Variants in PRKN observed in about 807,000 individuals in gnomAD.
The protein encoded by PRKN is parkin RBR E3 ubiquitin protein ligase.
Under a neutral mutation model 59.5 loss-of-function variants are expected in PRKN, and 56 were observed. The observed-to-expected ratio is 0.94, with a 90% CI of 0.76 to 1.18. The LOEUF is 1.18. PRKN is among the 50% of genes most tolerant of loss of function. The pLI, the probability that PRKN is intolerant of heterozygous loss-of-function variation, is 0.00. For synonymous variants in PRKN, 250 were observed against 222.1 expected (o/e 1.13, Z -1.12); for missense variants, 657 against 596.4 (o/e 1.10, Z -1.06).
chr6:161,840,564 C>T (rs765702466), intron 6 of PRKN, among the ~76,000 whole-genome samples: 8 of 152,112 alleles, frequency 5.3e-5, no homozygotes, highest in East Asian at 1.9e-4. Flanking sequence ...AAGCCTAGTA[C>T]GTGTCAGTTA....
intron 7 of PRKN, among the ~76,000 whole-genome samples, chr6:161,607,801 G>A (rs969326600): frequency 6.6e-6 from 1 of 152,208 alleles, no homozygotes; most frequent in Non-Finnish European, 1.5e-5. Flanking sequence ...GCTTCAAGGA[G>A]CCACTGTATA....
At chr6:162,202,195 A>G (rs974770851) in intron 3 of PRKN, among the ~76,000 whole-genome samples, 96 of 152,256 alleles carry the variant, frequency 6.3e-4, no homozygotes, top group African/African-American at 2.3e-3. Context: ...GCACCTAGAG[A>G]TAATATATTT....
chr6:161,375,827 C>T (rs1240913671), intron 10 of PRKN, among the ~76,000 whole-genome samples: 1 of 152,204 alleles, frequency 6.6e-6, no homozygotes, highest in Non-Finnish European at 1.5e-5. Flanking sequence ...CCGAACGACG[C>T]GCTGGCTTTA....
chr6:162,480,683 T>C (rs954081875), intron 1 of PRKN, among the ~76,000 whole-genome samples: 14 of 152,064 alleles, frequency 9.2e-5, no homozygotes, highest in Middle Eastern at 3.2e-3. Context: ...AGGGCTTCCC[T>C]GACTCTAGCA....
At chr6:162,591,498 G>A (rs1390003642) in intron 1 of PRKN, among the ~76,000 whole-genome samples, 1 of 152,062 alleles carries the variant, frequency 6.6e-6, no homozygotes, top group East Asian at 1.9e-4. Context: ...ATTCTTAAAC[G>A]ATGCAATTGT....
At chr6:161,433,160 T>C (rs1788727968) in intron 9 of PRKN, among the ~76,000 whole-genome samples, 1 of 152,224 alleles carries the variant, frequency 6.6e-6, no homozygotes, top group Non-Finnish European at 1.5e-5. Context: ...CTAAAAGACT[T>C]CTTCCATTGC....
chr6:162,687,788 G>A (rs901255114), intron 1 of PRKN, among the ~76,000 whole-genome samples: 8 of 152,130 alleles, frequency 5.3e-5, no homozygotes, highest in African/African-American at 1.9e-4. Context: ...CCATGAGGAT[G>A]GCTTAACAAG....
intron 6 of PRKN, among the ~76,000 whole-genome samples, chr6:161,804,009 G>A (rs1791204233): frequency 6.6e-6 from 1 of 152,210 alleles, no homozygotes; most frequent in African/African-American, 2.4e-5. Flanking sequence ...GACACATGGG[G>A]GGTGGCACAG....
Position 161,530,737 on chromosome 6 carries a change from C to T in PRKN, c.1083+18117G>A, listed in dbSNP as rs181469579. Among the ~76,000 whole-genome samples, 3 of 151,866 alleles carry T rather than the reference C, an allele frequency of 2.0e-5. No homozygotes were observed. Among genetic ancestry groups the T allele is most frequent in the Non-Finnish European group, 2.9e-5 (2 of 67,964 alleles). ...TTCTCTATGTTGGTCAGGCCAGTCTCGAACTCCTGACCTCAGGTGATCCGC... is the reference window on the plus strand; with the variant it reads ...TTCTCTATGTTGGTCAGGCCAGTCTTGAACTCCTGACCTCAGGTGATCCGC... On this transcript the variant is annotated intron_variant, in intron 9 of 11. Coordinates refer to ENST00000366898, the MANE Select transcript of PRKN (RefSeq NM_004562.3). The surrounding 1 kb of genome is among the most constrained non-coding windows in gnomAD (Gnocchi z 5.0).
At chr6:162,254,274 T>A (rs1478382782) in intron 3 of PRKN, among the ~76,000 whole-genome samples, 2 of 151,950 alleles carry the variant, frequency 1.3e-5, no homozygotes, top group East Asian at 3.9e-4. Flanking sequence ...CTGGCTAACA[T>A]GGTAAAACCC....
intron 1 of PRKN, among the ~76,000 whole-genome samples, chr6:162,709,375 CT>C (rs34492695): frequency 0.1 from 15,065 of 147,656 alleles, 906 homozygotes; most frequent in Middle Eastern, 0.2. Context: ...GGTCTGAACA[CT>C]TTTTTTTTTT....
rs900168552 is a variant in PRKN, at chr6:161,503,280, T to C, written c.1083+45574A>G. 9.2e-5 allele frequency among the ~76,000 whole-genome samples: 14 copies of C among 152,088 alleles called. No individual in the cohort carries two copies. Among genetic ancestry groups the C allele is most frequent in the Admixed American group, 7.9e-4 (12 of 15,260 alleles). ...TAGAGTCTTGATGAATTTATGGCTG[T>C]CATTCTGAAGATTTTAATCTTGTCT... On this transcript the variant is annotated intron_variant, in intron 9 of 11. Coordinates refer to ENST00000366898, the MANE Select transcript of PRKN (RefSeq NM_004562.3). The surrounding 1 kb of genome is among the most constrained non-coding windows in gnomAD (Gnocchi z 5.1).
intron 7 of PRKN, among the ~76,000 whole-genome samples, chr6:161,737,087 A>G (rs1384707741): frequency 6.6e-6 from 1 of 152,202 alleles, no homozygotes; most frequent in African/African-American, 2.4e-5. Context: ...GCATGGTGCA[A>G]TCAGGCAATG....
intron 6 of PRKN, among the ~76,000 whole-genome samples, chr6:161,840,183 C>T (rs1280869207): frequency 1.3e-5 from 2 of 152,176 alleles, no homozygotes; most frequent in African/African-American, 4.8e-5. Context: ...CCCGTAGGCT[C>T]GTGGGCAGGG....
intron 6 of PRKN, among the ~76,000 whole-genome samples, chr6:161,959,838 A>G (rs1252897036): frequency 2.0e-5 from 3 of 152,144 alleles, no homozygotes; most frequent in African/African-American, 7.2e-5. Flanking sequence ...TCCTACCACC[A>G]CCTCAGGAAT....
chr6:162,122,148 A>G (rs774623496), intron 4 of PRKN, among the ~76,000 whole-genome samples: 1 of 152,186 alleles, frequency 6.6e-6, no homozygotes, highest in Admixed American at 6.5e-5. Context: ...ACAAGACGAC[A>G]TGCCCTGTGA....
chr6:162,373,288 C>T (rs1450090292), intron 2 of PRKN, among the ~76,000 whole-genome samples: 1 of 152,098 alleles, frequency 6.6e-6, no homozygotes, highest in Non-Finnish European at 1.5e-5. Context: ...GTGAGTTTGG[C>T]AATTTTAAGT....
chr6:162,696,705 A>G (rs1777983955), intron 1 of PRKN, among the ~76,000 whole-genome samples: 1 of 150,972 alleles, frequency 6.6e-6, no homozygotes, highest in Non-Finnish European at 1.5e-5. Flanking sequence ...CACCATGCCC[A>G]GCTAATTTTT....
intron 1 of PRKN, among the ~76,000 whole-genome samples, chr6:162,641,068 C>T (rs891891512): frequency 6.6e-6 from 1 of 152,034 alleles, no homozygotes; most frequent in East Asian, 1.9e-4. Context: ...CTGACAATTT[C>T]CAGGGTCTTC....
Sources: gnomAD v4.1 joint callset for allele counts (sites outside exome capture counted in the v4.1 genomes callset) on GRCh38, gnomAD v4.1.1 for gene constraint, Gnocchi (gnomAD v3.1) non-coding constraint, MANE v1.5 for transcripts, NCBI Gene and HGNC (gene_info 2026-07-23, HGNC 2026-07-21) for gene names.